ADAMTS20: variants seen among roughly 807,000 people sequenced by gnomAD.
ADAMTS20 encodes the protein ADAM metallopeptidase with thrombospondin type 1 motif 20.
ADAMTS20 carries 225 observed loss-of-function variants against 260.1 expected under a neutral mutation model. That is an observed-to-expected ratio of 0.87 (90% confidence interval 0.78 to 0.97). The LOEUF (loss-of-function observed/expected upper bound fraction) is 0.97. Ranked by LOEUF, ADAMTS20 falls within the 50% of genes least tolerant of loss-of-function variation. The pLI is 0.00. For missense variants in ADAMTS20, 2,400 were observed against 2,337.7 expected, an observed-to-expected ratio of 1.03 and a Z score of -0.55; for synonymous variants, 802 against 769.5, an observed-to-expected ratio of 1.04 and a Z score of -0.70.
chr12:43,537,084 T>C (rs1031416867), intron 2 of ADAMTS20, among the ~76,000 whole-genome samples: 1 of 152,178 alleles, frequency 6.6e-6, no homozygotes, highest in African/African-American at 2.4e-5. Flanking sequence ...TTATTTATTA[T>C]TTATGTATGT....
chr12:43,377,459 T>C lies in ADAMTS20; in HGVS notation c.4901A>G (p.Tyr1634Cys), dbSNP rs752241579. 5.0e-6 allele frequency: 8 copies of C among 1,613,650 alleles called. No individual in the cohort carries two copies. In the South Asian group the frequency reaches 5.5e-5, roughly 11 times the overall value. ...HKLHRLRPIV[Y>C]QECPVVPSSQ... The stretch of plus-strand genomic sequence containing the variant: ...GGAAGGCACCACAGGGCATTCTTGA[T>C]AAACTATAGGCCGAAGTCGATGGAG... The change falls in exon 32 of 39, where the codon TAT becomes TGT. Residue 1634 changes from tyrosine (Y) to cysteine (C), a missense_variant. Physicochemically the swap from Tyr to Cys is radical, Grantham distance 194. Coordinates refer to ENST00000389420, the MANE Select transcript of ADAMTS20 (RefSeq NM_025003.5).
At chr12:43,522,252 AC>A (rs1212207850) in intron 3 of ADAMTS20, among the ~76,000 whole-genome samples, 5 of 152,022 alleles carry the variant, frequency 3.3e-5, no homozygotes, top group African/African-American at 1.2e-4. Flanking sequence ...CACTTAGAAA[AC>A]CATCAGTTCT....
intron 4 of ADAMTS20, among the ~76,000 whole-genome samples, chr12:43,496,527 G>A (rs941374518): frequency 2.0e-5 from 3 of 152,128 alleles, no homozygotes; most frequent in Admixed American, 1.3e-4. Context: ...TCACTTGCCC[G>A]TGGCCTCAGA....
chr12:43,353,433 A>T (rs1209007066), downstream of ADAMTS20, among the ~76,000 whole-genome samples: 2 of 152,022 alleles, frequency 1.3e-5, no homozygotes, highest in Admixed American at 1.3e-4. Flanking sequence ...AGAATTATAA[A>T]GGCAAAACAG....
chr12:43,468,122 A>G (rs940900514), intron 8 of ADAMTS20, among the ~76,000 whole-genome samples: 2 of 152,188 alleles, frequency 1.3e-5, no homozygotes, highest in Admixed American at 1.3e-4. Context: ...CAACTATGGA[A>G]AAAGTGAATA....
At chr12:43,475,396 G>A (rs1338606797) in intron 7 of ADAMTS20, among the ~76,000 whole-genome samples, 7 of 141,254 alleles carry the variant, frequency 5.0e-5, no homozygotes, top group African/African-American at 1.1e-4. Flanking sequence ...AGTCAATATC[G>A]TGAAAATGGC....
intron 3 of ADAMTS20, among the ~76,000 whole-genome samples, chr12:43,514,234 G>A (rs1456594304): frequency 6.6e-6 from 1 of 151,474 alleles, no homozygotes; most frequent in African/African-American, 2.4e-5. Context: ...TTAAAGGCAT[G>A]AGCCCCCATG....
At chr12:43,424,659 C>A (rs77809320) in intron 28 of ADAMTS20, among the ~76,000 whole-genome samples, 2 of 152,070 alleles carry the variant, frequency 1.3e-5, no homozygotes, top group African/African-American at 2.4e-5. Context: ...TATGCCTAAA[C>A]AAGACACAGC....
intron 6 of ADAMTS20, 92 bp from the exon 7 acceptor site, chr12:43,490,527 C>A (rs7297170): frequency 0.21 from 126,158 of 592,030 alleles, 14,380 homozygotes; most frequent in African/African-American, 0.33. Context: ...TATGACATGA[C>A]TACTACCACA....
At chr12:43,435,596 G>A (rs373909238) in intron 18 of ADAMTS20, among the ~76,000 whole-genome samples, 9 of 140,422 alleles carry the variant, frequency 6.4e-5, no homozygotes, top group Admixed American at 3.1e-4. Context: ...AGCCGAGATC[G>A]CACCACTGCA....
At chr12:43,506,655 T>C (rs1429053099) in intron 3 of ADAMTS20, among the ~76,000 whole-genome samples, 1 of 152,098 alleles carries the variant, frequency 6.6e-6, no homozygotes, top group African/African-American at 2.4e-5. Flanking sequence ...AATTTTTGTA[T>C]TTTTAGTAGA....
intron 4 of ADAMTS20, among the ~76,000 whole-genome samples, chr12:43,497,264 T>C (rs79348764): frequency 5.3e-5 from 8 of 152,238 alleles, no homozygotes; most frequent in Non-Finnish European, 1.0e-4. Context: ...GTTGAAATCT[T>C]TAAGAAAATT....
chr12:43,446,817 T>C lies in ADAMTS20; in HGVS notation c.2080-105A>G, dbSNP rs950902101. The C allele has an allele frequency of 3.4e-6, 3 of 885,696 alleles. No homozygotes were observed. The African/African-American group carries it at 5.0e-5, about 15-fold the overall frequency. 54.9% of individuals were successfully genotyped at this position (885,696 alleles called of 1,614,324 possible). ...AGATATGACAAAGGGGATTTACCAC[T>C]GACCCCACAGAAATATAGATAACTC... On this transcript the variant is annotated intron_variant, in intron 14 of 38. Transcript: ENST00000389420.
intron 11 of ADAMTS20, among the ~76,000 whole-genome samples, chr12:43,456,499 T>C (rs1428692494): frequency 2.6e-5 from 4 of 152,212 alleles, no homozygotes; most frequent in South Asian, 2.1e-4. Flanking sequence ...GAATATATCC[T>C]ATTCCTCCAT....
At chr12:43,457,611 C>A (rs1237614140) in intron 11 of ADAMTS20, among the ~76,000 whole-genome samples, 1 of 152,182 alleles carries the variant, frequency 6.6e-6, no homozygotes, top group African/African-American at 2.4e-5. Flanking sequence ...AGTTGTTCAG[C>A]CAAAAGCCTA....
At chr12:43,451,822 A>C (rs1941868713) in intron 14 of ADAMTS20, among the ~76,000 whole-genome samples, 1 of 152,064 alleles carries the variant, frequency 6.6e-6, no homozygotes. Context: ...TCTAGTAGCT[A>C]CTCAATCAAT....
At chr12:43,460,964 T>TTATATA (rs1162338659) in intron 11 of ADAMTS20, among the ~76,000 whole-genome samples, 18 of 58,008 alleles carry the variant, frequency 3.1e-4, no homozygotes, top group African/African-American at 6.0e-4. Context: ...CACAACTAAA[T>TTATATA]TATATATATA....
chr12:43,431,444 A>G lies in ADAMTS20; in HGVS notation c.3149T>C (p.Leu1050Pro). ...GCCATCACTCAAGTGATCTACATTC[A>G]GCTGACACCATACCTGCCGCTGCTT... ...GTKQRQVWCQ[L>P]NVDHLSDGFC... The change falls in exon 22 of 39, where the codon CTG becomes CCG. Residue 1050 changes from leucine (L) to proline (P), a missense_variant. By Grantham distance (98) the Leu-to-Pro change is moderately conservative. Coordinates refer to ENST00000389420, the MANE Select transcript of ADAMTS20 (RefSeq NM_025003.5). 5 of 1,613,994 alleles carry G rather than the reference A, an allele frequency of 3.1e-6. No homozygotes were observed. The highest frequency in any genetic ancestry group is 4.2e-6 in the Non-Finnish European group (5 of 1,179,864).
intron 22 of ADAMTS20, 88 bp downstream of exon 22, chr12:43,431,244 T>C: frequency 1.5e-6 from 2 of 1,356,818 alleles, no homozygotes; most frequent in Admixed American, 2.4e-5. Context: ...TTCCATTGCA[T>C]CCACTAAGGG....
Sources: allele counts gnomAD v4.1 joint callset (sites outside exome capture counted in the v4.1 genomes callset), GRCh38; gene constraint gnomAD v4.1.1; transcripts MANE v1.5; gene names NCBI Gene and HGNC (gene_info 2026-07-23, HGNC 2026-07-21).